The following SNX16 variants were observed in gnomAD, a reference collection of about 807,000 sequenced individuals.
SNX16 encodes the protein sorting nexin 16, also known as sorting nexin-16.
Under a neutral mutation model 36.7 loss-of-function variants are expected in SNX16, and 35 were observed. The ratio of observed to expected loss-of-function variants is 0.95; its 90% confidence interval spans 0.73 to 1.27. The LOEUF (loss-of-function observed/expected upper bound fraction) is 1.27, where lower values mean the gene tolerates loss of function less well. SNX16 is among the 50% of genes most tolerant of loss of function. The probability of loss-of-function intolerance (pLI) is 0.00; values close to 1 mark genes in which losing one functional copy is unlikely to be tolerated. For synonymous variants in SNX16, 134 were observed against 132.0 expected (o/e 1.02, Z -0.10); for missense variants, 367 against 393.6 (o/e 0.93, Z 0.57).
rs1563427261 is a variant in SNX16 at position 81,802,361 on chromosome 8, T to C, written c.938+19A>G. 6.3e-7 allele frequency: 1 copy of C among 1,576,006 alleles called. No individual in the cohort carries two copies. Among genetic ancestry groups the C allele is most frequent in the Non-Finnish European group, 8.6e-7 (1 of 1,163,940 alleles). On this transcript the variant is annotated intron_variant, in intron 7 of 7. Coordinates refer to ENST00000345957, the MANE Select transcript of SNX16 (RefSeq NM_152836.3). ...CAATTATTCAAGAATTAAGCTATCA[T>C]AAATGAAATATTATATACCTAGATT...
intron 5 of SNX16, among the ~76,000 whole-genome samples, chr8:81,810,435 G>A (rs1195313250): frequency 6.6e-6 from 1 of 152,126 alleles, no homozygotes; most frequent in African/African-American, 2.4e-5. Flanking sequence ...CTTAAAATGA[G>A]AGGCTGCTTA....
At chr8:81,824,165 A>G (rs1205499521) in intron 3 of SNX16, among the ~76,000 whole-genome samples, 1 of 152,138 alleles carries the variant, frequency 6.6e-6, no homozygotes, top group Non-Finnish European at 1.5e-5. Context: ...GGCATTGTCC[A>G]TCTTTTGAAT....
chr8:81,829,303 A>G, intron 3 of SNX16, 127 bp downstream of exon 3: 1 of 356,120 alleles, frequency 2.8e-6, no homozygotes, highest in South Asian at 7.3e-5. Context: ...AATTTATTTA[A>G]AAAATTAATT....
chr8:81,830,875 C>T (rs1255250760), intron 2 of SNX16, among the ~76,000 whole-genome samples: 1 of 152,074 alleles, frequency 6.6e-6, no homozygotes, highest in Non-Finnish European at 1.5e-5. Context: ...ATATTACAAG[C>T]CTACAATAAC....
At chr8:81,822,935 T>TACAC (rs1161107628) in intron 4 of SNX16, among the ~76,000 whole-genome samples, 2 of 101,856 alleles carry the variant, frequency 2.0e-5, no homozygotes, top group East Asian at 2.3e-4. Flanking sequence ...TGTATATATA[T>TACAC]ATATACATAT....
intron 4 of SNX16, among the ~76,000 whole-genome samples, chr8:81,816,921 A>T (rs1199480185): frequency 1.3e-5 from 2 of 152,112 alleles, no homozygotes; most frequent in East Asian, 3.9e-4. Context: ...TTTATCTGCA[A>T]CCCTCTCTAG....
At chr8:81,807,985 G>A (rs531171108) in intron 5 of SNX16, 50 of 802,306 alleles carry the variant, frequency 6.2e-5, no homozygotes, top group South Asian at 4.9e-4. Flanking sequence ...GGATGCAGCC[G>A]TGAATGCAAG....
At position 81,800,479 on chromosome 8, in the gene SNX16, A is replaced by G. The variant is rs1809636410; in HGVS notation, c.*1018T>C. ...CTTTCTCCTAACTCTACTTACTAAA[A>G]AAATCCACCAATTAAACTTGGCACA... On this transcript the variant is annotated 3_prime_UTR_variant, in exon 8 of 8. Coordinates refer to ENST00000345957, the MANE Select transcript of SNX16 (RefSeq NM_152836.3). 6.6e-6 allele frequency: 1 copy of G among 152,256 alleles called. No individual in the cohort carries two copies. Among genetic ancestry groups the G allele is most frequent in the African/African-American group, 2.4e-5 (1 of 41,426 alleles). The allele number at this position is 152,256 out of a possible 1,614,324, so 9.4% of individuals were successfully genotyped here. A position where few individuals can be genotyped will look rare whatever the true frequency, so the allele number is the denominator to read the frequency against.
intron 5 of SNX16, chr8:81,808,306 A>C (rs1192485500): frequency 1.7e-6 from 2 of 1,190,446 alleles, no homozygotes; most frequent in Admixed American, 3.4e-5. Flanking sequence ...TGAAGTTAGG[A>C]AGACCTGTCA....
intron 4 of SNX16, among the ~76,000 whole-genome samples, chr8:81,816,181 C>CTTTTTTTTTTTTTTTTTTTTT (rs777491714): frequency 7.3e-6 from 1 of 137,832 alleles, no homozygotes; most frequent in African/African-American, 2.7e-5. Context: ...AAAGGATTTT[C>CTTTTTTTTTTTTTTTTTTTTT]TTTTTTTTTT....
intron 4 of SNX16, among the ~76,000 whole-genome samples, chr8:81,822,941 C>CATATAT (rs1810819886): frequency 2.0e-5 from 1 of 50,532 alleles, no homozygotes. Flanking sequence ...TATATATATA[C>CATATAT]ATATACATAT....
chr8:81,814,232 T>C (rs1810383168), intron 5 of SNX16, among the ~76,000 whole-genome samples: 1 of 151,952 alleles, frequency 6.6e-6, no homozygotes, highest in African/African-American at 2.4e-5. Flanking sequence ...AAAAACCATT[T>C]AGTAATGAAA....
At chr8:81,828,965 C>A (rs191829094) in intron 3 of SNX16, among the ~76,000 whole-genome samples, 1 of 152,138 alleles carries the variant, frequency 6.6e-6, no homozygotes, top group Non-Finnish European at 1.5e-5. Flanking sequence ...CCTCCAGAGC[C>A]TCCAGATAAG....
intron 4 of SNX16, among the ~76,000 whole-genome samples, chr8:81,818,217 A>G (rs1810576828): frequency 6.6e-6 from 1 of 152,148 alleles, no homozygotes; most frequent in Non-Finnish European, 1.5e-5. Flanking sequence ...CAACCTTAGT[A>G]ATGTGTTGAT....
chr8:81,807,621 G>A (rs1401818711), intron 5 of SNX16, among the ~76,000 whole-genome samples: 2 of 151,336 alleles, frequency 1.3e-5, no homozygotes, highest in Non-Finnish European at 2.9e-5. Context: ...TAGTGCAGTA[G>A]GGATGAACTT....
At position 81,802,004 on chromosome 8, in the gene SNX16, G is replaced by A. The variant is rs143589054; in HGVS notation, c.938+376C>T. ...TCATCATTCCTATTAGGTAAGAAGGGTGGTTTGCTATTATATTATAGTAGC... is the reference window on the plus strand; with the variant it reads ...TCATCATTCCTATTAGGTAAGAAGGATGGTTTGCTATTATATTATAGTAGC... On this transcript the variant is annotated intron_variant, in intron 7 of 7. Transcript: ENST00000345957. 2.7e-4 allele frequency among the ~76,000 whole-genome samples: 41 copies of A among 151,654 alleles called. No individual in the cohort carries two copies. In the East Asian group the frequency reaches 7.2e-3, roughly 27 times the overall value.
chr8:81,817,806 C>T (rs1029674313), intron 4 of SNX16, among the ~76,000 whole-genome samples: 6 of 152,084 alleles, frequency 3.9e-5, no homozygotes, highest in African/African-American at 1.4e-4. Context: ...GAAAGGAAAC[C>T]CTCACCCTTG....
chr8:81,801,693 A>C (rs890058024), intron 7 of SNX16, 100 bp from the exon 8 acceptor site: 1 of 592,178 alleles, frequency 1.7e-6, no homozygotes. Flanking sequence ...TACCTTATAG[A>C]AAATTTACAT....
chr8:81,813,827 T>C (rs1810367558), intron 5 of SNX16, among the ~76,000 whole-genome samples: 1 of 151,884 alleles, frequency 6.6e-6, no homozygotes, highest in African/African-American at 2.4e-5. Context: ...ATGATATCAA[T>C]ATCAAAAAAT....
Sources: gnomAD v4.1 joint callset for allele counts (sites outside exome capture counted in the v4.1 genomes callset) on GRCh38, gnomAD v4.1.1 for gene constraint, MANE v1.5 for transcripts, NCBI Gene and HGNC (gene_info 2026-07-23, HGNC 2026-07-21) for gene names.